The following SLC4A4 variants were observed in gnomAD, a reference collection of about 807,000 sequenced individuals.
The protein encoded by SLC4A4 is solute carrier family 4 member 4.
SLC4A4 carries 27 observed loss-of-function variants against 111.5 expected under a neutral mutation model. The ratio of observed to expected loss-of-function variants is 0.24; its 90% CI spans 0.18 to 0.33. SLC4A4 has a LOEUF of 0.33. Among genes scored for constraint, SLC4A4 ranks in the 10% least tolerant of loss-of-function variants. SLC4A4 has a pLI of 1.00. For synonymous variants in SLC4A4, 443 were observed against 463.4 expected, an observed-to-expected ratio of 0.96 and a Z score of 0.57; for missense variants, 909 against 1,315.5, an observed-to-expected ratio of 0.69 and a Z score of 4.78.
chr4:71,318,012 A>G (rs1263738065), intron 3 of SLC4A4, among the ~76,000 whole-genome samples: 1 of 152,112 alleles, frequency 6.6e-6, no homozygotes, highest in African/African-American at 2.4e-5. Flanking sequence ...AAAAATAGAA[A>G]GCAAGCTGTG....
At chr4:71,240,090 C>T (rs1051025610) in intron 2 of SLC4A4, among the ~76,000 whole-genome samples, 2 of 151,884 alleles carry the variant, frequency 1.3e-5, no homozygotes, top group South Asian at 2.1e-4. Context: ...GTAGCAATTA[C>T]GTAGTGATTG....
At chr4:71,105,440 C>A (rs952118970) in intron 2 of SLC4A4, among the ~76,000 whole-genome samples, 2 of 151,306 alleles carry the variant, frequency 1.3e-5, no homozygotes, top group Non-Finnish European at 2.9e-5. Context: ...TCATATGGAA[C>A]CAAAAAAGAG....
At chr4:71,184,832 T>C (rs1258146324), upstream of SLC4A4, among the ~76,000 whole-genome samples, 3 of 152,156 alleles carry the variant, frequency 2.0e-5, no homozygotes, top group African/African-American at 7.2e-5. Flanking sequence ...AACACGTATA[T>C]CTCAACTACT....
chr4:71,106,562 G>T (rs1318467452), intron 2 of SLC4A4, among the ~76,000 whole-genome samples: 11 of 145,660 alleles, frequency 7.6e-5, no homozygotes, highest in Admixed American at 1.4e-4. Context: ...AGAAAATGTG[G>T]CACATATACA....
At chr4:71,406,708 G>C (rs1259595288) in intron 7 of SLC4A4, among the ~76,000 whole-genome samples, 1 of 147,492 alleles carries the variant, frequency 6.8e-6, no homozygotes, top group South Asian at 2.1e-4. Context: ...CAATCTGAAA[G>C]CCAGTGGTTA....
intron 2 of SLC4A4, among the ~76,000 whole-genome samples, chr4:71,137,550 G>C (rs1000963): frequency 6.6e-6 from 1 of 152,104 alleles, no homozygotes; most frequent in Non-Finnish European, 1.5e-5. Flanking sequence ...GAACTGTCTC[G>C]TTACTTGAAC....
chr4:71,177,719 CAAT>C (rs1312680682), intron 2 of SLC4A4, among the ~76,000 whole-genome samples: 1 of 152,088 alleles, frequency 6.6e-6, no homozygotes, highest in Non-Finnish European at 1.5e-5. Context: ...GACTCCCACA[CAAT>C]AATAATGTGA....
At chr4:71,373,869 G>A (rs902415725) in intron 6 of SLC4A4, among the ~76,000 whole-genome samples, 1 of 152,126 alleles carries the variant, frequency 6.6e-6, no homozygotes, top group African/African-American at 2.4e-5. Flanking sequence ...GAATGTTAGG[G>A]GAGGAAGAGA....
At chr4:71,293,652 A>C (rs1398702928) in intron 3 of SLC4A4, among the ~76,000 whole-genome samples, 1 of 152,192 alleles carries the variant, frequency 6.6e-6, no homozygotes, top group East Asian at 1.9e-4. Flanking sequence ...AAGTTTCCCA[A>C]ATTCCACTGA....
chr4:71,318,941 A>G (rs780507771), intron 3 of SLC4A4, among the ~76,000 whole-genome samples: 3 of 151,880 alleles, frequency 2.0e-5, no homozygotes, highest in Non-Finnish European at 4.4e-5. Flanking sequence ...ATGCAAGAGT[A>G]GAGAGTGGCT....
intron 16 of SLC4A4, among the ~76,000 whole-genome samples, chr4:71,529,014 A>G (rs2149205262): frequency 6.6e-6 from 1 of 152,224 alleles, no homozygotes; most frequent in Non-Finnish European, 1.5e-5. Flanking sequence ...TATATTTCAA[A>G]GAAGATAGAA....
intron 14 of SLC4A4, among the ~76,000 whole-genome samples, chr4:71,477,805 A>T (rs1422842642): frequency 6.6e-6 from 1 of 151,718 alleles, no homozygotes; most frequent in Non-Finnish European, 1.5e-5. Context: ...ATCAACAAAA[A>T]TTTTCTGAGG....
intron 20 of SLC4A4, among the ~76,000 whole-genome samples, chr4:71,551,601 G>A (rs1736001357): frequency 6.6e-6 from 1 of 151,934 alleles, no homozygotes; most frequent in Non-Finnish European, 1.5e-5. Context: ...GAGTCAAAAT[G>A]TGAATTCAGG....
chr4:71,452,365 T>G (rs2149078359), intron 11 of SLC4A4, among the ~76,000 whole-genome samples: 1 of 152,322 alleles, frequency 6.6e-6, no homozygotes, highest in South Asian at 2.1e-4. Context: ...TGGGCTTTAA[T>G]TTTTAATTTA....
At chr4:71,405,834 C>T (rs1720791048) in intron 7 of SLC4A4, among the ~76,000 whole-genome samples, 2 of 152,104 alleles carry the variant, frequency 1.3e-5, no homozygotes, top group Non-Finnish European at 2.9e-5. Flanking sequence ...GGCTTTTTGT[C>T]AGAAGCTTAA....
rs1474111703 is a variant in SLC4A4, at chr4:71,385,201, T to A, written c.731-12376T>A. Among the ~76,000 whole-genome samples, 3 of 99,346 alleles carry A rather than the reference T, an allele frequency of 3.0e-5. No homozygotes were observed. The Admixed American group carries it at 3.1e-4, about 10-fold the overall frequency. The allele number at this position is 99,346 out of a possible 152,430, so 65.2% of individuals were successfully genotyped here. On this transcript the variant is annotated intron_variant, in intron 6 of 25. Transcript: ENST00000264485. ...TATATATATATATATATTTTTTTTT[T>A]TTTTTTTTTTTTTTGAGACAGAGTT...
At chr4:71,538,497 G>A (rs1014701699) in intron 18 of SLC4A4, among the ~76,000 whole-genome samples, 1 of 152,032 alleles carries the variant, frequency 6.6e-6, no homozygotes, top group African/African-American at 2.4e-5. Flanking sequence ...TTAATCAAAG[G>A]CTTTTCACTC....
intron 1 of SLC4A4, among the ~76,000 whole-genome samples, chr4:71,228,464 T>A (rs1439498906): frequency 6.6e-6 from 1 of 152,196 alleles, no homozygotes; most frequent in Non-Finnish European, 1.5e-5. Context: ...TAACTGAAAC[T>A]GGTTGGATTT....
chr4:71,242,945 C>G (rs1196317534), intron 2 of SLC4A4, among the ~76,000 whole-genome samples: 2 of 152,166 alleles, frequency 1.3e-5, no homozygotes, highest in Non-Finnish European at 2.9e-5. Flanking sequence ...AAGGCTTACT[C>G]TCTGTTTGCC....
Sources: gnomAD v4.1 joint callset for allele counts (sites outside exome capture counted in the v4.1 genomes callset) on GRCh38, gnomAD v4.1.1 for gene constraint, MANE v1.5 for transcripts, NCBI Gene and HGNC (gene_info 2026-07-23, HGNC 2026-07-21) for gene names.